The following TRAPPC9 variants were observed in gnomAD, a reference collection of about 807,000 sequenced individuals.
TRAPPC9 encodes IKK2 binding protein.
In TRAPPC9, 83 loss-of-function variants were observed where a neutral mutation model predicts 124.0. The ratio of observed to expected loss-of-function variants is 0.67; its 90% CI spans 0.56 to 0.80. The LOEUF (loss-of-function observed/expected upper bound fraction) is 0.80. Ranked by LOEUF, TRAPPC9 falls within the 30% of genes least tolerant of loss-of-function variation. The pLI is 0.00. For synonymous variants in TRAPPC9, 638 were observed against 617.5 expected (o/e 1.03, Z -0.49); for missense variants, 1,302 against 1,508.3 (o/e 0.86, Z 2.27).
At chr8:140,350,724 GAA>G (rs770407306) in intron 9 of TRAPPC9, among the ~76,000 whole-genome samples, 1 of 152,096 alleles carries the variant, frequency 6.6e-6, no homozygotes, top group African/African-American at 2.4e-5. Flanking sequence ...CTCTGGGGTG[GAA>G]AAGTCTTGGC....
chr8:139,884,380 C>T (rs990176459), intron 21 of TRAPPC9, among the ~76,000 whole-genome samples: 4 of 152,172 alleles, frequency 2.6e-5, no homozygotes, highest in South Asian at 2.1e-4. Context: ...CTAGGGCTGC[C>T]GACCCTCAGA....
chr8:140,284,059 G>C lies in TRAPPC9; in HGVS notation c.1982-38C>G, dbSNP rs771658590. ...AGGAACTTCTTCACTCCACTGGCAA[G>C]GCTTTGGGTCTCACGCCCACGGCTG... On this transcript the variant is annotated intron_variant, in intron 13 of 22. Transcript: ENST00000438773. 86 of 1,613,234 alleles carry C rather than the reference G, an allele frequency of 5.3e-5. 2 individuals carry two copies. In the South Asian group the frequency reaches 7.4e-4, roughly 14 times the overall value.
At chr8:140,084,040 C>T (rs1844025570) in intron 17 of TRAPPC9, among the ~76,000 whole-genome samples, 1 of 152,084 alleles carries the variant, frequency 6.6e-6, no homozygotes, top group African/African-American at 2.4e-5. Context: ...AGTGGCTGTT[C>T]ACAGGCACCA....
intron 10 of TRAPPC9, among the ~76,000 whole-genome samples, chr8:140,303,589 A>C (rs756802041): frequency 1.8e-4 from 27 of 152,234 alleles, no homozygotes; most frequent in Non-Finnish European, 3.2e-4. Context: ...AGATGAGATC[A>C]CGCTTGGCCA....
intron 17 of TRAPPC9, among the ~76,000 whole-genome samples, chr8:140,038,531 T>C (rs149775081): frequency 6.6e-6 from 1 of 152,204 alleles, no homozygotes; most frequent in African/African-American, 2.4e-5. Flanking sequence ...TGACACAAGG[T>C]GTGTGTGGAT....
At chr8:140,262,228 ATT>A (rs10719517) in intron 15 of TRAPPC9, among the ~76,000 whole-genome samples, 5 of 151,614 alleles carry the variant, frequency 3.3e-5, no homozygotes, top group African/African-American at 7.3e-5. Context: ...TTTTTTCCTC[ATT>A]TTTTTTTACA....
intron 21 of TRAPPC9, among the ~76,000 whole-genome samples, chr8:139,815,633 C>T (rs1824776793): frequency 7.0e-6 from 1 of 142,778 alleles, no homozygotes; most frequent in African/African-American, 2.8e-5. Flanking sequence ...CTCAAATGAT[C>T]CGCCCAGCTT....
intron 19 of TRAPPC9, among the ~76,000 whole-genome samples, chr8:139,968,159 C>G (rs1366385918): frequency 6.9e-6 from 1 of 144,282 alleles, no homozygotes; most frequent in African/African-American, 2.5e-5. Context: ...AAAAAAAAAA[C>G]CAAAAAACAA....
rs528451563 is a variant in TRAPPC9 at position 139,967,180 on chromosome 8, C to A, written c.2810+21546G>T. On this transcript the variant is annotated intron_variant, in intron 19 of 22. Transcript: ENST00000438773. ...GAGAGCATAATGGAAGTCACACAGG[C>A]CACCTGCAAGCAGAATGCTCATGAG... Among the ~76,000 whole-genome samples, 7 of 152,244 alleles carry A rather than the reference C, an allele frequency of 4.6e-5. No homozygotes were observed. In the South Asian group the frequency reaches 1.5e-3, roughly 32 times the overall value.
intron 21 of TRAPPC9, among the ~76,000 whole-genome samples, chr8:139,835,880 G>C (rs1358724708): frequency 6.6e-6 from 1 of 152,206 alleles, no homozygotes; most frequent in African/African-American, 2.4e-5. Context: ...CAGCAGTGGA[G>C]GATGTGGCCT....
chr8:140,208,439 T>C (rs2062979556), intron 17 of TRAPPC9, among the ~76,000 whole-genome samples: 1 of 152,228 alleles, frequency 6.6e-6, no homozygotes, highest in Non-Finnish European at 1.5e-5. Flanking sequence ...GGGCTTATTC[T>C]ACATGCAAAC....
At chr8:139,779,536 C>T (rs561771604) in intron 21 of TRAPPC9, among the ~76,000 whole-genome samples, 11 of 152,006 alleles carry the variant, frequency 7.2e-5, no homozygotes, top group Non-Finnish European at 1.5e-4. Flanking sequence ...ATAAATAAAA[C>T]GTATGACGAC....
chr8:140,148,072 T>A (rs977796994), intron 17 of TRAPPC9, among the ~76,000 whole-genome samples: 4 of 152,230 alleles, frequency 2.6e-5, no homozygotes, highest in East Asian at 1.9e-4. Context: ...CCTAGCCTCC[T>A]GGAGCCTGTG....
intron 21 of TRAPPC9, among the ~76,000 whole-genome samples, chr8:139,829,551 T>C (rs1483488828): frequency 6.6e-6 from 1 of 152,202 alleles, no homozygotes; most frequent in Admixed American, 6.5e-5. Context: ...AACGTCTGGA[T>C]ACCCCCATCT....
intron 17 of TRAPPC9, among the ~76,000 whole-genome samples, chr8:140,163,925 T>C (rs773930282): frequency 3.3e-5 from 5 of 152,176 alleles, no homozygotes; most frequent in Non-Finnish European, 7.3e-5. Context: ...GGAGGAGAAA[T>C]TTTTAGAGAA....
At chr8:140,192,059 C>T (rs1298774323) in intron 17 of TRAPPC9, among the ~76,000 whole-genome samples, 2 of 152,100 alleles carry the variant, frequency 1.3e-5, no homozygotes, top group Non-Finnish European at 2.9e-5. Flanking sequence ...ATATGGTATC[C>T]CTTCTCTTGT....
chr8:139,940,856 G>T (rs955546367), intron 19 of TRAPPC9, among the ~76,000 whole-genome samples: 1 of 152,264 alleles, frequency 6.6e-6, no homozygotes, highest in Non-Finnish European at 1.5e-5. Flanking sequence ...CACAGAGGGA[G>T]GCTGAGTTCC....
intron 15 of TRAPPC9, among the ~76,000 whole-genome samples, chr8:140,265,042 T>C (rs2064582091): frequency 1.3e-5 from 2 of 152,134 alleles, no homozygotes; most frequent in African/African-American, 4.8e-5. Flanking sequence ...GAACAGAGAC[T>C]GTGCTGGACA....
At chr8:140,280,289 T>A (rs1278803237) in intron 14 of TRAPPC9, among the ~76,000 whole-genome samples, 1 of 152,206 alleles carries the variant, frequency 6.6e-6, no homozygotes, top group Non-Finnish European at 1.5e-5. Context: ...CATGTGTCCA[T>A]CCAACACTGA....
Sources: allele counts gnomAD v4.1 joint callset (sites outside exome capture counted in the v4.1 genomes callset), GRCh38; gene constraint gnomAD v4.1.1; transcripts MANE v1.5; gene names NCBI Gene and HGNC (gene_info 2026-07-23, HGNC 2026-07-21).